Variants in RAB11FIP4 observed in about 807,000 individuals in gnomAD.
RAB11FIP4 encodes the protein rab11 family-interacting protein 4.
RAB11FIP4 carries 23 observed loss-of-function variants against 74.3 expected under a neutral mutation model. The observed-to-expected ratio is 0.31, with a 90% confidence interval of 0.22 to 0.44. The LOEUF (loss-of-function observed/expected upper bound fraction) is 0.44, where lower values mean the gene tolerates loss of function less well. Among genes scored for constraint, RAB11FIP4 ranks in the 20% least tolerant of loss-of-function variants. The pLI is 1.00. For synonymous variants in RAB11FIP4, 360 were observed against 359.9 expected (o/e 1.00, Z 0.00); for missense variants, 630 against 863.9 (o/e 0.73, Z 3.39).
At chr17:31,398,177 T>A (rs1712152478) in intron 1 of RAB11FIP4, among the ~76,000 whole-genome samples, 1 of 152,174 alleles carries the variant, frequency 6.6e-6, no homozygotes, top group South Asian at 2.1e-4. Context: ...TAGCTGGGAT[T>A]ACAGCCATGT....
intron 3 of RAB11FIP4, among the ~76,000 whole-genome samples, chr17:31,450,513 T>C (rs975224224): frequency 2.4e-4 from 36 of 151,682 alleles, no homozygotes; most frequent in Non-Finnish European, 1.5e-5. Context: ...CCCGGCTAAT[T>C]TGCATATTTT....
chr17:31,396,183 CAAAAA>C (rs55991343), intron 1 of RAB11FIP4, among the ~76,000 whole-genome samples: 2 of 122,616 alleles, frequency 1.6e-5, no homozygotes, highest in African/African-American at 6.6e-5. Context: ...GACCCTGCCA[CAAAAA>C]AAAAAAAAAG....
chr17:31,462,213 C>A lies in RAB11FIP4; in HGVS notation c.336+28091C>A, dbSNP rs549535717. Among the ~76,000 whole-genome samples the A allele has an allele frequency of 1.1e-4, 16 of 152,016 alleles. No individual in the cohort carries two copies. In the South Asian group the frequency reaches 3.3e-3, roughly 32 times the overall value. On this transcript the variant is annotated intron_variant, in intron 3 of 14. Coordinates refer to ENST00000621161, the MANE Select transcript of RAB11FIP4 (RefSeq NM_032932.6). Reference sequence around the variant, plus strand: ...CCTGGGAGGCAGAGGTTGCAGTGAGCCGAGATCGTGCCACCACACTCCAGT... The same window carrying A: ...CCTGGGAGGCAGAGGTTGCAGTGAGACGAGATCGTGCCACCACACTCCAGT...
At position 31,531,991 on chromosome 17, in the gene RAB11FIP4, G is replaced by C; in HGVS notation, c.*259G>C. The C allele has an allele frequency of 2.4e-6, 1 of 419,740 alleles. No individual in the cohort carries two copies. The highest frequency in any genetic ancestry group is 4.3e-6 in the Non-Finnish European group (1 of 232,362). 26.0% of individuals were successfully genotyped at this position (419,740 alleles called of 1,614,324 possible). A position where few individuals can be genotyped will look rare whatever the true frequency, so the allele number is the denominator to read the frequency against. On this transcript the variant is annotated 3_prime_UTR_variant, in exon 15 of 15. Coordinates refer to ENST00000621161, the MANE Select transcript of RAB11FIP4 (RefSeq NM_032932.6). ...TTGCAAGGGGCAGAGGGTACTGGAA[G>C]TGGGAGGAGGCAAGGTCTGCTATCA...
chr17:31,394,937 G>GC (rs1323618745), intron 1 of RAB11FIP4, among the ~76,000 whole-genome samples: 2 of 142,080 alleles, frequency 1.4e-5, no homozygotes, highest in Non-Finnish European at 3.1e-5. Flanking sequence ...GTGGCGGGGG[G>GC]CGGGGGGGGG....
In RAB11FIP4 at chr17:31,454,392, G is replaced by A. The variant is rs539631196; in HGVS notation, c.336+20270G>A. Among the ~76,000 whole-genome samples the A allele has an allele frequency of 5.3e-5, 8 of 152,224 alleles. No individual in the cohort carries two copies. In the East Asian group the frequency reaches 1.4e-3, roughly 26 times the overall value. On this transcript the variant is annotated intron_variant, in intron 3 of 14. Transcript: ENST00000621161. ...GGGTTCAAGCGATTCTCCTGCCTCA[G>A]CCTCCCGAGTAGCTGGGACTACAGG...
intron 3 of RAB11FIP4, among the ~76,000 whole-genome samples, chr17:31,434,510 G>A (rs1597914874): frequency 6.6e-6 from 1 of 152,194 alleles, no homozygotes; most frequent in East Asian, 1.9e-4. Flanking sequence ...CCAATTCTCT[G>A]ACACTAACTG....
chr17:31,491,657 GA>G (rs761873701), intron 3 of RAB11FIP4, among the ~76,000 whole-genome samples: 1 of 152,178 alleles, frequency 6.6e-6, no homozygotes, highest in Non-Finnish European at 1.5e-5. Context: ...GGGCTGGGGG[GA>G]CAGGGGACAA....
chr17:31,400,042 CAA>C (rs563945627), intron 1 of RAB11FIP4, among the ~76,000 whole-genome samples: 9 of 110,764 alleles, frequency 8.1e-5, no homozygotes, highest in Admixed American at 9.6e-5. Context: ...GATTCCATCT[CAA>C]AAAAAAAAAA....
intron 3 of RAB11FIP4, among the ~76,000 whole-genome samples, chr17:31,444,744 C>T (rs1179692948): frequency 6.6e-6 from 1 of 152,172 alleles, no homozygotes; most frequent in Non-Finnish European, 1.5e-5. Context: ...TAAAGCTGAG[C>T]AGGAGGGAAA....
chr17:31,484,939 G>A (rs1159793638), intron 3 of RAB11FIP4, among the ~76,000 whole-genome samples: 4 of 152,154 alleles, frequency 2.6e-5, no homozygotes, highest in Non-Finnish European at 5.9e-5. Context: ...ACTTGCCTAC[G>A]TTCATTTAGC....
intron 3 of RAB11FIP4, among the ~76,000 whole-genome samples, chr17:31,507,732 G>A (rs2072377776): frequency 6.6e-6 from 1 of 152,096 alleles, no homozygotes; most frequent in Admixed American, 6.5e-5. Context: ...GGTTCAAGCA[G>A]TCCTCCTGCC....
intron 10 of RAB11FIP4, 187 bp downstream of exon 10, chr17:31,525,417 T>G: frequency 1.6e-6 from 1 of 628,798 alleles, no homozygotes; most frequent in East Asian, 2.8e-5. Flanking sequence ...CTTCAGGAAG[T>G]TCGCTAAGGA....
Position 31,457,635 on chromosome 17 carries a change from G to T in RAB11FIP4, c.336+23513G>T, listed in dbSNP as rs115516843. Among the ~76,000 whole-genome samples, 313 of 152,126 alleles carry T rather than the reference G, an allele frequency of 2.1e-3. 2 individuals are homozygous for T. The highest frequency in any genetic ancestry group is 7.4e-3 in the African/African-American group (306 of 41,510). Reference sequence around the variant, plus strand: ...TCCTAGGACTGATAAGAGACCCAGCGGGAGCTTTGAAGGCTGTTACAGCCT... The same window carrying T: ...TCCTAGGACTGATAAGAGACCCAGCTGGAGCTTTGAAGGCTGTTACAGCCT... On this transcript the variant is annotated intron_variant, in intron 3 of 14. Transcript: ENST00000621161.
intron 1 of RAB11FIP4, among the ~76,000 whole-genome samples, chr17:31,426,655 A>G (rs1245960119): frequency 2.8e-5 from 4 of 141,350 alleles, no homozygotes; most frequent in Admixed American, 1.5e-4. Context: ...CTGGAGTGCA[A>G]TGGCACCATC....
At chr17:31,521,408 C>T (rs1431663152) in intron 5 of RAB11FIP4, 48 bp downstream of exon 5, 1 of 1,521,658 alleles carries the variant, frequency 6.6e-7, no homozygotes, top group East Asian at 2.4e-5. Context: ...GTTGCAGAAG[C>T]AATTTAAGCA....
chr17:31,514,206 G>A (rs1022139858), intron 3 of RAB11FIP4, among the ~76,000 whole-genome samples: 2 of 152,268 alleles, frequency 1.3e-5, no homozygotes, highest in Non-Finnish European at 2.9e-5. Context: ...GCCAGCTGCT[G>A]GGAGTATCAG....
At chr17:31,530,679 GA>G (rs2072854812) in intron 14 of RAB11FIP4, among the ~76,000 whole-genome samples, 1 of 152,234 alleles carries the variant, frequency 6.6e-6, no homozygotes, top group African/African-American at 2.4e-5. Flanking sequence ...GTGCTGGAAG[GA>G]GTGCGGGTTT....
chr17:31,449,459 C>G (rs1468131045), intron 3 of RAB11FIP4, among the ~76,000 whole-genome samples: 1 of 152,200 alleles, frequency 6.6e-6, no homozygotes, highest in Non-Finnish European at 1.5e-5. Flanking sequence ...GGTCTCAACT[C>G]CCTTTCTTGC....
Sources: gnomAD v4.1 joint callset for allele counts (sites outside exome capture counted in the v4.1 genomes callset) on GRCh38, gnomAD v4.1.1 for gene constraint, MANE v1.5 for transcripts, NCBI Gene and HGNC (gene_info 2026-07-23, HGNC 2026-07-21) for gene names.